Variants in COL8A1 observed in about 807,000 individuals in gnomAD.
COL8A1 encodes collagen alpha-1(VIII) chain.
In COL8A1, 21 loss-of-function variants were observed where a neutral mutation model predicts 42.7. The ratio of observed to expected loss-of-function variants is 0.49; its 90% confidence interval spans 0.35 to 0.71. The LOEUF (loss-of-function observed/expected upper bound fraction) is 0.71. Among genes scored for constraint, COL8A1 ranks in the 30% least tolerant of loss-of-function variants. COL8A1 has a pLI of 0.01. For missense variants in COL8A1, 788 were observed against 962.4 expected (o/e 0.82, Z 2.40); for synonymous variants, 367 against 369.1 (o/e 0.99, Z 0.06).
chr3:99,743,930 CT>C (rs1311089601), intron 1 of COL8A1, among the ~76,000 whole-genome samples: 301 of 139,882 alleles, frequency 2.2e-3, no homozygotes, highest in Admixed American at 2.4e-3. Flanking sequence ...GTAGATAATT[CT>C]TTTTTTTTTT....
intron 1 of COL8A1, among the ~76,000 whole-genome samples, chr3:99,686,975 T>C (rs1266766168): frequency 2.0e-5 from 3 of 152,198 alleles, no homozygotes; most frequent in African/African-American, 7.2e-5. Context: ...CCCAAAGTGC[T>C]GGGATTACAG....
chr3:99,646,422 G>A (rs1027219508), intron 1 of COL8A1, among the ~76,000 whole-genome samples: 5 of 152,180 alleles, frequency 3.3e-5, no homozygotes, highest in African/African-American at 9.7e-5. Flanking sequence ...GGGGCAAGGG[G>A]CGTGTCACTG....
chr3:99,663,340 CT>C (rs1190817046), intron 1 of COL8A1, among the ~76,000 whole-genome samples: 1 of 152,068 alleles, frequency 6.6e-6, no homozygotes, highest in East Asian at 1.9e-4. Flanking sequence ...TCACTCCTCA[CT>C]TTTACTAACC....
intron 1 of COL8A1, among the ~76,000 whole-genome samples, chr3:99,683,910 A>T (rs956313473): frequency 6.7e-6 from 1 of 148,682 alleles, no homozygotes; most frequent in African/African-American, 2.6e-5. Context: ...ACAATAAGCT[A>T]AAAAAAAACC....
At chr3:99,640,460 G>A (rs1937485487) in intron 1 of COL8A1, among the ~76,000 whole-genome samples, 1 of 152,158 alleles carries the variant, frequency 6.6e-6, no homozygotes, top group South Asian at 2.1e-4. Context: ...ATCCCCTTGA[G>A]GGAAGTTATC....
In COL8A1 at chr3:99,768,280, G is replaced by GATC. The variant is rs545626090; in HGVS notation, c.-3-22398_-3-22396dup. Among the ~76,000 whole-genome samples, 325 of 152,268 alleles carry GATC rather than the reference G, an allele frequency of 2.1e-3. 2 individuals are homozygous for GATC. The highest frequency in any genetic ancestry group is 7.6e-3 in the African/African-American group (314 of 41,548). ...GGTCTGATTTTACATGTACTAGAAGGATCACATGGGACTCAAAGTTTGTAA... is the reference window on the plus strand; with the variant it reads ...GGTCTGATTTTACATGTACTAGAAGGATCATCACATGGGACTCAAAGTTTGTAA... On this transcript the variant is annotated intron_variant, in intron 2 of 3. Transcript: ENST00000652472.
chr3:99,788,950 T>C (rs1281370345), intron 2 of COL8A1, among the ~76,000 whole-genome samples: 2 of 152,166 alleles, frequency 1.3e-5, no homozygotes, highest in Admixed American at 6.6e-5. Context: ...TACACATCTG[T>C]CACCCCCACT....
chr3:99,746,290 T>G (rs142537146), intron 2 of COL8A1, among the ~76,000 whole-genome samples: 6 of 152,284 alleles, frequency 3.9e-5, no homozygotes, highest in African/African-American at 1.2e-4. Flanking sequence ...ATATTTATAA[T>G]GCAAACCCAG....
intron 1 of COL8A1, among the ~76,000 whole-genome samples, chr3:99,711,957 T>C (rs182210995): frequency 6.6e-6 from 1 of 152,134 alleles, no homozygotes; most frequent in Admixed American, 6.6e-5. Flanking sequence ...AGTAATACTC[T>C]TGGTTTGTGA....
intron 1 of COL8A1, among the ~76,000 whole-genome samples, chr3:99,639,371 C>T (rs2107276343): frequency 6.6e-6 from 1 of 152,310 alleles, no homozygotes; most frequent in South Asian, 2.1e-4. Flanking sequence ...AATTTCTGTA[C>T]ACACACCTAA....
chr3:99,748,073 T>C (rs1434973924), intron 2 of COL8A1, among the ~76,000 whole-genome samples: 2 of 152,322 alleles, frequency 1.3e-5, no homozygotes, highest in East Asian at 3.9e-4. Context: ...CCCCGCAGCT[T>C]CCTGAAAAGA....
At chr3:99,732,158 G>C (rs993337632) in intron 1 of COL8A1, among the ~76,000 whole-genome samples, 1 of 151,992 alleles carries the variant, frequency 6.6e-6, no homozygotes, top group Non-Finnish European at 1.5e-5. Flanking sequence ...TAAATAAAAC[G>C]ATTAATGCAT....
intron 1 of COL8A1, among the ~76,000 whole-genome samples, chr3:99,697,670 T>C (rs969884087): frequency 5.9e-5 from 9 of 152,138 alleles, no homozygotes; most frequent in Non-Finnish European, 1.2e-4. Flanking sequence ...TGACCAAAGA[T>C]AGTTAAAAGA....
intron 2 of COL8A1, among the ~76,000 whole-genome samples, chr3:99,765,292 A>T (rs904825247): frequency 2.0e-5 from 3 of 152,142 alleles, no homozygotes; most frequent in Non-Finnish European, 4.4e-5. Flanking sequence ...AGTCTGGTAA[A>T]CTGCTCAAAC....
At position 99,721,987 on chromosome 3, in the gene COL8A1, T is replaced by C. The variant is rs148796816; in HGVS notation, c.-128-22910T>C. 5.4e-3 allele frequency among the ~76,000 whole-genome samples: 825 copies of C among 152,208 alleles called. 4 individuals carry two copies. The highest frequency in any genetic ancestry group is 0.019 in the African/African-American group (786 of 41,530). ...TAAAAGGAAATGAAGTGAAAATTGATACTCAATAGATAATCACAGGAGAAA... is the reference window on the plus strand; with the variant it reads ...TAAAAGGAAATGAAGTGAAAATTGACACTCAATAGATAATCACAGGAGAAA... On this transcript the variant is annotated intron_variant, in intron 1 of 3. Transcript: ENST00000652472.
At chr3:99,767,707 G>T (rs1941490458) in intron 2 of COL8A1, among the ~76,000 whole-genome samples, 1 of 152,122 alleles carries the variant, frequency 6.6e-6, no homozygotes, top group African/African-American at 2.4e-5. Flanking sequence ...CCAAAAAGTG[G>T]ATCAACATAT....
At chr3:99,751,780 T>C (rs747011221) in intron 2 of COL8A1, among the ~76,000 whole-genome samples, 4 of 152,158 alleles carry the variant, frequency 2.6e-5, no homozygotes, top group Non-Finnish European at 4.4e-5. Flanking sequence ...TGAACACTTA[T>C]AAAGTTAAAA....
intron 3 of COL8A1, among the ~76,000 whole-genome samples, chr3:99,792,102 T>A (rs1239953358): frequency 6.6e-6 from 1 of 152,196 alleles, no homozygotes; most frequent in African/African-American, 2.4e-5. Context: ...ACTACACAAT[T>A]CGCTGGTTAG....
chr3:99,689,041 A>G (rs1052371524), intron 1 of COL8A1, among the ~76,000 whole-genome samples: 1 of 152,238 alleles, frequency 6.6e-6, no homozygotes, highest in African/African-American at 2.4e-5. Flanking sequence ...TATTCTACAC[A>G]GAAAGCAGCC....
Sources: allele counts gnomAD v4.1 joint callset (sites outside exome capture counted in the v4.1 genomes callset), GRCh38; gene constraint gnomAD v4.1.1; transcripts MANE v1.5; gene names NCBI Gene and HGNC (gene_info 2026-07-23, HGNC 2026-07-21).